Variants in ECE1 observed in about 807,000 individuals in gnomAD.
ECE1 encodes the protein endothelin-converting enzyme 1.
A neutral mutation model predicts 98.6 loss-of-function variants in ECE1; 35 were observed. The observed-to-expected ratio is 0.35, with a 90% CI of 0.27 to 0.47. ECE1 has a LOEUF of 0.47. Ranked by LOEUF, ECE1 falls within the 20% of genes least tolerant of loss-of-function variation. The probability of loss-of-function intolerance (pLI) is 1.00; values close to 1 mark genes in which losing one functional copy is unlikely to be tolerated. For synonymous variants in ECE1, 394 were observed against 407.1 expected, an observed-to-expected ratio of 0.97 and a Z score of 0.39; for missense variants, 814 against 1,025.3, an observed-to-expected ratio of 0.79 and a Z score of 2.81.
intron 1 of ECE1, among the ~76,000 whole-genome samples, chr1:21,315,577 T>TTGG (rs1638813938): frequency 6.6e-6 from 1 of 152,124 alleles, no homozygotes; most frequent in Non-Finnish European, 1.5e-5. Flanking sequence ...GCAGATCACT[T>TTGG]GAGGTCAGGA....
intron 1 of ECE1, among the ~76,000 whole-genome samples, chr1:21,335,629 G>C (rs1639293110): frequency 6.6e-6 from 1 of 152,206 alleles, no homozygotes; most frequent in South Asian, 2.1e-4. Context: ...ACCCAGGGTG[G>C]ACAGAGTCGC....
intron 14 of ECE1, among the ~76,000 whole-genome samples, 163 bp from the exon 15 acceptor site, chr1:21,228,204 G>A (rs1455399023): frequency 6.6e-6 from 1 of 152,110 alleles, no homozygotes; most frequent in Non-Finnish European, 1.5e-5. Flanking sequence ...ATCTACAGAA[G>A]GACTGTTTGT....
At chr1:21,267,252 T>C (rs1435907974) in intron 4 of ECE1, 1 of 152,386 alleles carries the variant, frequency 6.6e-6, no homozygotes, top group Non-Finnish European at 1.5e-5. Flanking sequence ...TTACAAATTA[T>C]CCAGTGTATT....
chr1:21,282,978 C>T (rs1485282020), intron 2 of ECE1, among the ~76,000 whole-genome samples: 5 of 111,682 alleles, frequency 4.5e-5, no homozygotes, highest in African/African-American at 1.6e-4. Context: ...GTCTTGCTTT[C>T]TCACCCAGGC....
intron 2 of ECE1, chr1:21,280,031 G>A (rs1279657912): frequency 6.6e-6 from 1 of 152,348 alleles, no homozygotes; most frequent in Non-Finnish European, 1.5e-5. Flanking sequence ...GGTCCTGAAA[G>A]GGAGGAAAAA....
chr1:21,282,243 T>C (rs1402068243), intron 2 of ECE1, among the ~76,000 whole-genome samples: 1 of 151,866 alleles, frequency 6.6e-6, no homozygotes, highest in African/African-American at 2.4e-5. Flanking sequence ...TAAGCCATGA[T>C]TGTGCCCCTG....
rs181229916 is a variant in ECE1, at chr1:21,263,618, T to C, written c.494-3226A>G. 2.0e-3 allele frequency among the ~76,000 whole-genome samples: 309 copies of C among 152,068 alleles called. 2 individuals are homozygous for C. Among genetic ancestry groups the C allele is most frequent in the African/African-American group, 7.1e-3 (295 of 41,502 alleles). On this transcript the variant is annotated intron_variant, in intron 4 of 18. Coordinates refer to ENST00000374893, the MANE Select transcript of ECE1 (RefSeq NM_001397.3). ...ATCTGCCCACTTCAGCCTCCCCAAA[T>C]GCTGGGATTACAGGCGTGAGCCACC...
chr1:21,318,640 C>T (rs567393872), intron 1 of ECE1, among the ~76,000 whole-genome samples: 1 of 152,054 alleles, frequency 6.6e-6, no homozygotes, highest in Admixed American at 6.5e-5. Context: ...TTCCTGAGGC[C>T]CACTTCACAA....
At chr1:21,282,263 C>T (rs1398577654) in intron 2 of ECE1, among the ~76,000 whole-genome samples, 1 of 152,054 alleles carries the variant, frequency 6.6e-6, no homozygotes, top group Non-Finnish European at 1.5e-5. Flanking sequence ...GCACTCCAGC[C>T]TGGGCAACAG....
intron 5 of ECE1, among the ~76,000 whole-genome samples, chr1:21,259,303 T>G (rs905287162): frequency 2.0e-5 from 3 of 152,176 alleles, no homozygotes; most frequent in African/African-American, 7.2e-5. Flanking sequence ...AGTCTTGCTC[T>G]GATTCCCAGG....
At chr1:21,313,605 A>G (rs1181603563) in intron 1 of ECE1, among the ~76,000 whole-genome samples, 1 of 152,186 alleles carries the variant, frequency 6.6e-6, no homozygotes, top group Admixed American at 6.5e-5. Context: ...AGATCCAATG[A>G]GAACAAGCTG....
In ECE1 at chr1:21,257,659, C is replaced by T. The variant is rs3026878; in HGVS notation, c.763-69G>A. On this transcript the variant is annotated intron_variant, in intron 6 of 18. Coordinates refer to ENST00000374893, the MANE Select transcript of ECE1 (RefSeq NM_001397.3). ...CGTGTATCCACTGCACGGCCTCCTG[C>T]CCTGGGAATGGCTGGCACATGGCAG... is the stretch of plus-strand genomic sequence containing the variant. The T allele has an allele frequency of 1.7e-5, 27 of 1,542,946 alleles. No homozygotes were observed. In the Middle Eastern group the frequency reaches 5.1e-4, roughly 29 times the overall value.
intron 15 of ECE1, 98 bp downstream of exon 15, chr1:21,227,833 G>A (rs1558367821): frequency 7.3e-6 from 7 of 961,210 alleles, no homozygotes; most frequent in Non-Finnish European, 9.5e-6. Flanking sequence ...CTGAAGCACT[G>A]GGGCAAAGAT....
intron 12 of ECE1, among the ~76,000 whole-genome samples, chr1:21,236,420 C>T (rs943799344): frequency 4.0e-4 from 61 of 152,354 alleles, no homozygotes; most frequent in African/African-American, 1.2e-3. Context: ...CAGGCCAAGG[C>T]GGGTCGATCA....
At chr1:21,238,476 G>C in intron 10 of ECE1, 1 of 589,270 alleles carries the variant, frequency 1.7e-6, no homozygotes, top group South Asian at 1.9e-5. Context: ...TTCACAAATA[G>C]TGTCCCGTTG....
At chr1:21,324,248 T>C (rs1639028387) in intron 1 of ECE1, among the ~76,000 whole-genome samples, 1 of 152,212 alleles carries the variant, frequency 6.6e-6, no homozygotes, top group Non-Finnish European at 1.5e-5. Flanking sequence ...GCGATCCTCT[T>C]GCCTCAGCCT....
intron 1 of ECE1, among the ~76,000 whole-genome samples, chr1:21,321,067 A>ATGATCAT (rs1444760761): frequency 5.3e-5 from 8 of 152,126 alleles, no homozygotes; most frequent in African/African-American, 1.9e-4. Flanking sequence ...CCTGTGCTGG[A>ATGATCAT]GGTACTACCA....
At chr1:21,312,274 CA>C (rs1264501568) in intron 1 of ECE1, among the ~76,000 whole-genome samples, 2 of 146,436 alleles carry the variant, frequency 1.4e-5, no homozygotes, top group Non-Finnish European at 3.0e-5. Flanking sequence ...CTTGTCTCTA[CA>C]AAAAATATAA....
intron 10 of ECE1, among the ~76,000 whole-genome samples, chr1:21,240,316 A>G (rs2098194426): frequency 6.6e-6 from 1 of 152,022 alleles, no homozygotes; most frequent in South Asian, 2.1e-4. Context: ...GTGAAACTCC[A>G]TCTCTATTAA....
Sources: gnomAD v4.1 joint callset for allele counts (sites outside exome capture counted in the v4.1 genomes callset) on GRCh38, gnomAD v4.1.1 for gene constraint, MANE v1.5 for transcripts, NCBI Gene and HGNC (gene_info 2026-07-23, HGNC 2026-07-21) for gene names.